CDK14: variants seen among roughly 807,000 people sequenced by gnomAD.
CDK14 encodes the protein cyclin-dependent kinase 14.
A neutral mutation model predicts 60.7 loss-of-function variants in CDK14; 34 were observed. That is an observed-to-expected ratio of 0.56 (90% CI 0.43 to 0.75). The LOEUF (loss-of-function observed/expected upper bound fraction) is 0.75, where lower values mean the gene tolerates loss of function less well. Ranked by LOEUF, CDK14 falls within the 30% of genes least tolerant of loss-of-function variation. The pLI, the probability that CDK14 is intolerant of heterozygous loss-of-function variation, is 0.00. For synonymous variants in CDK14, 197 were observed against 203.7 expected (o/e 0.97, Z 0.28); for missense variants, 482 against 564.1 (o/e 0.85, Z 1.47).
intron 5 of CDK14, among the ~76,000 whole-genome samples, chr7:90,826,682 C>G (rs1202315306): frequency 6.6e-6 from 1 of 152,038 alleles, no homozygotes; most frequent in African/African-American, 2.4e-5. Context: ...ATTACACTTG[C>G]ATAGTCAGTT....
chr7:90,704,074 C>T (rs1801844746), intron 2 of CDK14, among the ~76,000 whole-genome samples: 1 of 152,160 alleles, frequency 6.6e-6, no homozygotes, highest in Non-Finnish European at 1.5e-5. Context: ...GCCTGGGCAA[C>T]AGAGTGAGAC....
At chr7:90,614,536 A>G (rs1173795481) in intron 2 of CDK14, among the ~76,000 whole-genome samples, 1 of 152,044 alleles carries the variant, frequency 6.6e-6, no homozygotes, top group Non-Finnish European at 1.5e-5. Flanking sequence ...TTATTTTTCC[A>G]ACTTACTATT....
intron 11 of CDK14, among the ~76,000 whole-genome samples, chr7:91,068,847 A>T (rs893265137): frequency 2.1e-5 from 3 of 145,724 alleles, no homozygotes; most frequent in Non-Finnish European, 4.5e-5. Context: ...ATACCAGATC[A>T]TATCTTAAAG....
intron 5 of CDK14, among the ~76,000 whole-genome samples, chr7:90,859,647 C>T (rs559552630): frequency 6.6e-6 from 1 of 152,244 alleles, no homozygotes; most frequent in South Asian, 2.1e-4. Context: ...TTCCATCCTT[C>T]ACATATGCAT....
At chr7:90,866,231 CAT>C (rs1379301705) in intron 6 of CDK14, among the ~76,000 whole-genome samples, 11 of 109,828 alleles carry the variant, frequency 1.0e-4, no homozygotes, top group East Asian at 5.5e-4. Context: ...CACACATACA[CAT>C]ACACACACAC....
At chr7:90,644,208 A>C (rs917262691) in intron 2 of CDK14, among the ~76,000 whole-genome samples, 13 of 152,218 alleles carry the variant, frequency 8.5e-5, no homozygotes, top group Non-Finnish European at 1.5e-4. Flanking sequence ...TCCAGTCCCC[A>C]AAACTAAGAA....
chr7:91,076,601 G>C (rs1184370211), intron 11 of CDK14, among the ~76,000 whole-genome samples: 1 of 152,046 alleles, frequency 6.6e-6, no homozygotes, highest in Non-Finnish European at 1.5e-5. Context: ...CAAAGATTTC[G>C]TGACAAAAAT....
chr7:90,881,612 A>G (rs1171280547), intron 6 of CDK14, among the ~76,000 whole-genome samples: 1 of 152,198 alleles, frequency 6.6e-6, no homozygotes, highest in Admixed American at 6.5e-5. Context: ...CCATGAGAAG[A>G]TTAACCCCAA....
At chr7:91,052,860 A>T (rs1272728954) in intron 11 of CDK14, among the ~76,000 whole-genome samples, 1 of 152,232 alleles carries the variant, frequency 6.6e-6, no homozygotes. Context: ...CGAATGAAAT[A>T]ATATAAAGAA....
intron 2 of CDK14, among the ~76,000 whole-genome samples, chr7:90,715,596 A>G (rs898154103): frequency 4.0e-5 from 6 of 151,432 alleles, no homozygotes; most frequent in African/African-American, 1.2e-4. Context: ...AAGAAAAGCT[A>G]TATTTAAACC....
chr7:90,989,001 A>AGT (rs10696275), intron 10 of CDK14, among the ~76,000 whole-genome samples: 64,324 of 149,440 alleles, frequency 0.43, 13,759 homozygotes, highest in East Asian at 0.47. Context: ...TTTGTGTGTG[A>AGT]GTGTGTGTGT....
intron 10 of CDK14, among the ~76,000 whole-genome samples, chr7:91,009,882 G>GT (rs1446081628): frequency 1.3e-5 from 2 of 152,034 alleles, no homozygotes; most frequent in African/African-American, 4.8e-5. Context: ...ATTTTCTTCT[G>GT]TTTTCCTCCA....
chr7:90,688,715 G>T (rs552767649), intron 2 of CDK14, among the ~76,000 whole-genome samples: 1 of 152,262 alleles, frequency 6.6e-6, no homozygotes, highest in Non-Finnish European at 1.5e-5. Flanking sequence ...CCTAGTGGGA[G>T]AATGTCCCAA....
intron 5 of CDK14, among the ~76,000 whole-genome samples, chr7:90,849,157 T>C (rs1316595618): frequency 1.3e-5 from 2 of 152,104 alleles, no homozygotes; most frequent in East Asian, 3.9e-4. Context: ...TTGGTGCTCT[T>C]ACGGGGCAGT....
At chr7:90,848,566 C>G (rs1030436857) in intron 5 of CDK14, among the ~76,000 whole-genome samples, 2 of 152,192 alleles carry the variant, frequency 1.3e-5, no homozygotes, top group Admixed American at 1.3e-4. Context: ...GGGTAAATAT[C>G]AAAAGTTTAA....
At chr7:90,695,627 G>A (rs1347292769) in intron 2 of CDK14, among the ~76,000 whole-genome samples, 1 of 152,150 alleles carries the variant, frequency 6.6e-6, no homozygotes, top group Non-Finnish European at 1.5e-5. Flanking sequence ...CAAGGAAAGG[G>A]GAAAAACGGA....
intron 11 of CDK14, among the ~76,000 whole-genome samples, chr7:91,057,937 G>A (rs2116092768): frequency 6.6e-6 from 1 of 152,100 alleles, no homozygotes; most frequent in Middle Eastern, 3.4e-3. Context: ...ATCCAATTCT[G>A]TGAAGAAAGT....
At chr7:90,608,644 G>A in intron 2 of CDK14, 2 of 546,338 alleles carry the variant, frequency 3.7e-6, no homozygotes, top group Non-Finnish European at 4.7e-6. Context: ...TATGTTTATG[G>A]CATATAATCC....
intron 11 of CDK14, among the ~76,000 whole-genome samples, chr7:91,072,220 C>T: frequency 6.6e-6 from 1 of 152,156 alleles, no homozygotes; most frequent in East Asian, 1.9e-4. Context: ...CTGGGCGAGA[C>T]CCTCTTAACG....
Sources: gnomAD v4.1 joint callset for allele counts (sites outside exome capture counted in the v4.1 genomes callset) on GRCh38, gnomAD v4.1.1 for gene constraint, MANE v1.5 for transcripts, NCBI Gene and HGNC (gene_info 2026-07-23, HGNC 2026-07-21) for gene names.